The following FANCI variants were observed in gnomAD, a reference collection of about 807,000 sequenced individuals.
FANCI encodes FA complementation group I, also known as Fanconi anemia group I protein.
Under a neutral mutation model 176.1 loss-of-function variants are expected in FANCI, and 156 were observed. That is an observed-to-expected ratio of 0.89 (90% confidence interval 0.78 to 1.01). The LOEUF is 1.01. Ranked by LOEUF, FANCI falls within the 50% of genes least tolerant of loss-of-function variation. The pLI is 0.00. For missense variants in FANCI, 1,678 were observed against 1,534.1 expected, an observed-to-expected ratio of 1.09 and a Z score of -1.57; for synonymous variants, 613 against 541.7, an observed-to-expected ratio of 1.13 and a Z score of -1.83.
chr15:89,312,816 TAAAAAAA>T (rs11321073), intron 34 of FANCI, 81 bp from the exon 35 acceptor site: 51 of 864,622 alleles, frequency 5.9e-5, no homozygotes, highest in South Asian at 5.9e-4. Context: ...AGCTCTGTCT[TAAAAAAA>T]AAAAAAAAAA....
chr15:89,299,976 G>A lies in FANCI; in HGVS notation c.2803+10G>A. 1 of 1,613,670 alleles carries A rather than the reference G, an allele frequency of 6.2e-7. No homozygotes were observed. Among genetic ancestry groups the A allele is most frequent in the Non-Finnish European group, 8.5e-7 (1 of 1,179,788 alleles). Reference sequence around the variant, plus strand: ...TTTCTCAGAGCTCTGGGTAAGCATTGCAGTATCAATAAATAGGCTTGATTT... The same window carrying A: ...TTTCTCAGAGCTCTGGGTAAGCATTACAGTATCAATAAATAGGCTTGATTT... On this transcript the variant is annotated intron_variant, in intron 25 of 37. Coordinates refer to ENST00000310775, the MANE Select transcript of FANCI (RefSeq NM_001113378.2).
At chr15:89,261,453 C>A in intron 4 of FANCI, 132 bp from the exon 5 acceptor site, 2 of 1,139,830 alleles carry the variant, frequency 1.8e-6, no homozygotes, top group African/African-American at 1.5e-5. Context: ...AGAATGATTC[C>A]ATAAATCCCT....
intron 10 of FANCI, among the ~76,000 whole-genome samples, chr15:89,270,139 T>C (rs78431628): frequency 1.6e-4 from 25 of 152,136 alleles, no homozygotes; most frequent in African/African-American, 6.0e-4. Flanking sequence ...CCCCCAACCA[T>C]TTAAAACCAT....
intron 3 of FANCI, 51 bp from the exon 4 acceptor site, chr15:89,260,662 C>A: frequency 1.3e-6 from 2 of 1,599,032 alleles, no homozygotes; most frequent in African/African-American, 2.7e-5. Flanking sequence ...TTCCTATTTA[C>A]CTGTCAATGT....
At chr15:89,309,177 G>A (rs1363039902) in intron 34 of FANCI, among the ~76,000 whole-genome samples, 1 of 152,110 alleles carries the variant, frequency 6.6e-6, no homozygotes, top group Non-Finnish European at 1.5e-5. Context: ...TCACCCAAAT[G>A]CTTGCAGGAA....
intron 11 of FANCI, 42 bp from the exon 12 acceptor site, chr15:89,274,122 TTTTA>T (rs747012822): frequency 3.9e-5 from 54 of 1,390,022 alleles, no homozygotes; most frequent in South Asian, 2.1e-4. Flanking sequence ...GTGCTTGATC[TTTTA>T]TTTATTTATT....
In FANCI at chr15:89,317,000, G is replaced by GTGTC; in HGVS notation, c.*543_*546dup. The GTGTC allele has an allele frequency of 4.6e-6, 3 of 645,748 alleles. No homozygotes were observed. The highest frequency in any genetic ancestry group is 8.3e-6 in the Non-Finnish European group (3 of 360,786). 40.0% of individuals were successfully genotyped at this position (645,748 alleles called of 1,614,324 possible). On this transcript the variant is annotated 3_prime_UTR_variant, in exon 38 of 38. Transcript: ENST00000310775. ...GGGTCTGTTTTCTTTTTATATAAGT[G>GTGTC]TGTCTTAGATATATTTTAAATAGAA...
intron 24 of FANCI, among the ~76,000 whole-genome samples, chr15:89,296,221 C>G (rs373853858): frequency 6.7e-6 from 1 of 150,164 alleles, no homozygotes; most frequent in African/African-American, 2.4e-5. Context: ...ACCCTGGCCT[C>G]CCAAAGTGCT....
intron 5 of FANCI, 26 bp downstream of exon 5, chr15:89,261,767 T>G (rs768096502): frequency 6.2e-7 from 1 of 1,614,000 alleles, no homozygotes; most frequent in African/African-American, 1.3e-5. Flanking sequence ...CTTTAGTGGC[T>G]TTTTCTCTAT....
intron 2 of FANCI, among the ~76,000 whole-genome samples, chr15:89,254,106 C>A (rs1211942786): frequency 6.6e-6 from 1 of 152,144 alleles, no homozygotes; most frequent in Non-Finnish European, 1.5e-5. Context: ...CGCCTGTAAT[C>A]CCAACACTTT....
At chr15:89,315,536 G>C in intron 37 of FANCI, 147 bp downstream of exon 37, 1 of 685,632 alleles carries the variant, frequency 1.5e-6, no homozygotes, top group East Asian at 2.8e-5. Context: ...AGGACTCTCA[G>C]AAGGGTTGTA....
chr15:89,313,176 T>TA (rs1363362320), intron 35 of FANCI, among the ~76,000 whole-genome samples: 1 of 151,884 alleles, frequency 6.6e-6, no homozygotes, highest in African/African-American at 2.4e-5. Context: ...GGGTGACAGC[T>TA]AAAAACGGTA....
At chr15:89,261,934 C>T in intron 6 of FANCI, 56 bp downstream of exon 6, 1 of 1,514,346 alleles carries the variant, frequency 6.6e-7, no homozygotes, top group Non-Finnish European at 9.1e-7. Context: ...GGAAAAAAAA[C>T]CACTTTATTT....
chr15:89,314,591 T>C (rs747094238), intron 35 of FANCI, 21 bp from the exon 36 acceptor site: 2 of 1,577,044 alleles, frequency 1.3e-6, no homozygotes, highest in African/African-American at 2.7e-5. Flanking sequence ...GAAATTTAAG[T>C]CTTATGTTCT....
chr15:89,272,921 T>C (rs1176471845), intron 10 of FANCI, among the ~76,000 whole-genome samples: 2 of 151,970 alleles, frequency 1.3e-5, no homozygotes, highest in African/African-American at 4.8e-5. Context: ...CCTGCCTCAG[T>C]CTCCCAAAGT....
chr15:89,266,901 A>G (rs1426109262), intron 9 of FANCI, among the ~76,000 whole-genome samples: 1 of 152,010 alleles, frequency 6.6e-6, no homozygotes, highest in Non-Finnish European at 1.5e-5. Context: ...GATATATATT[A>G]GGGTCCCATA....
chr15:89,266,916 G>A (rs1283025011), intron 9 of FANCI, among the ~76,000 whole-genome samples: 2 of 152,092 alleles, frequency 1.3e-5, no homozygotes, highest in Non-Finnish European at 2.9e-5. Context: ...CCCATAAGGA[G>A]ATATTAAGCA....
Position 89,312,962 on chromosome 15 carries a change from C to T in FANCI, c.3710C>T (p.Ala1237Val). ...GEKKEKPAAVATAMARVLRET... is the reference protein window; with the variant it reads ...GEKKEKPAAVVTAMARVLRET... ...AAAAAGGAGAAACCTGCTGCCGTTG[C>T]CACAGCCATGGTAAGCTGCTGACAC... Residue 1237 changes from alanine (A) to valine (V), a missense_variant, in exon 35 of 38, where the codon GCC becomes GTC. Physicochemically the swap from Ala to Val is moderately conservative, Grantham distance 64. Around this residue, in one of 3 missense-constraint regions of FANCI, gnomAD observed 1,204 missense variants for 1,077.4 expected, o/e 1.12. Coordinates refer to ENST00000310775, the MANE Select transcript of FANCI (RefSeq NM_001113378.2). 6.2e-7 allele frequency: 1 copy of T among 1,613,856 alleles called. No individual in the cohort carries two copies. Among genetic ancestry groups the T allele is most frequent in the Non-Finnish European group, 8.5e-7 (1 of 1,179,916 alleles).
Position 89,293,080 on chromosome 15 carries a change from A to G in FANCI, c.2291+17A>G. ...TAGTTTCAGGTAAGGTTTTGCTATA[A>G]CTCCATTTGTAATTTGATGAATTCT... On this transcript the variant is annotated intron_variant, in intron 22 of 37. Transcript: ENST00000310775. The G allele has an allele frequency of 6.2e-7, 1 of 1,611,692 alleles. No homozygotes were observed. Among genetic ancestry groups the G allele is most frequent in the East Asian group, 2.2e-5 (1 of 44,822 alleles).
Sources: allele counts gnomAD v4.1 joint callset (sites outside exome capture counted in the v4.1 genomes callset), GRCh38; gene constraint gnomAD v4.1.1; regional missense constraint gnomAD v4.1.1; transcripts MANE v1.5; gene names NCBI Gene and HGNC (gene_info 2026-07-23, HGNC 2026-07-21).